Variants in FAM120B observed in about 807,000 individuals in gnomAD.
FAM120B encodes the protein constitutive coactivator of peroxisome proliferator-activated receptor gamma.
FAM120B carries 83 observed loss-of-function variants against 96.3 expected under a neutral mutation model. That is an observed-to-expected ratio of 0.86 (90% CI 0.72 to 1.03). The LOEUF (loss-of-function observed/expected upper bound fraction) is 1.03. FAM120B is among the 50% of genes least tolerant of loss of function. The probability of loss-of-function intolerance (pLI) is 0.00; values close to 1 mark genes in which losing one functional copy is unlikely to be tolerated. For missense variants in FAM120B, 1,027 were observed against 1,121.2 expected (o/e 0.92, Z 1.20); for synonymous variants, 407 against 402.7 (o/e 1.01, Z -0.13).
chr6:170,327,268 G>T (rs531940662), intron 3 of FAM120B, among the ~76,000 whole-genome samples: 2 of 151,864 alleles, frequency 1.3e-5, no homozygotes, highest in Admixed American at 6.6e-5. Flanking sequence ...GGATGATCTC[G>T]ATCTCCTGAC....
upstream of FAM120B, among the ~76,000 whole-genome samples, chr6:170,293,150 G>A (rs989787826): frequency 6.6e-6 from 1 of 152,024 alleles, no homozygotes; most frequent in African/African-American, 2.4e-5. Context: ...CTTCCCTAAG[G>A]CACAGGAGCT....
intron 1 of FAM120B, chr6:170,298,501 T>A (rs1270539926): frequency 6.6e-6 from 1 of 151,314 alleles, no homozygotes; most frequent in Non-Finnish European, 1.5e-5. Context: ...AGATTTGTTT[T>A]CAAGATGCAA....
At chr6:170,334,546 T>A (rs967146827) in intron 4 of FAM120B, among the ~76,000 whole-genome samples, 1 of 73,110 alleles carries the variant, frequency 1.4e-5, no homozygotes, top group Non-Finnish European at 3.0e-5. Context: ...AAAAGGAAGC[T>A]GGTGTGTGTG....
At chr6:170,377,715 C>T (rs1292206771) in intron 6 of FAM120B, among the ~76,000 whole-genome samples, 2 of 143,292 alleles carry the variant, frequency 1.4e-5, no homozygotes, top group Non-Finnish European at 3.1e-5. Context: ...TGTGCACACG[C>T]GTCCCTAATC....
intron 3 of FAM120B, among the ~76,000 whole-genome samples, chr6:170,327,534 C>T (rs1345567540): frequency 3.3e-5 from 5 of 152,020 alleles, no homozygotes; most frequent in Admixed American, 2.6e-4. Flanking sequence ...ACACTGCACA[C>T]GGAGGCTGCT....
intron 9 of FAM120B, among the ~76,000 whole-genome samples, chr6:170,398,188 C>A (rs1371944291): frequency 6.6e-6 from 1 of 152,250 alleles, no homozygotes; most frequent in Non-Finnish European, 1.5e-5. Flanking sequence ...CGCACTGAAA[C>A]CTTTCCATCA....
At chr6:170,316,791 C>G (rs761806454) in intron 1 of FAM120B, among the ~76,000 whole-genome samples, 6 of 152,186 alleles carry the variant, frequency 3.9e-5, no homozygotes, top group Non-Finnish European at 8.8e-5. Flanking sequence ...TCTGTCACCC[C>G]CAAAAGTTTC....
At chr6:170,344,351 A>G (rs903153804) in intron 4 of FAM120B, among the ~76,000 whole-genome samples, 4 of 119,758 alleles carry the variant, frequency 3.3e-5, no homozygotes, top group Admixed American at 8.3e-5. Context: ...AACGGATGAA[A>G]TCGTTCAGTC....
chr6:170,324,298 G>A (rs1785464604), intron 3 of FAM120B, among the ~76,000 whole-genome samples: 1 of 152,184 alleles, frequency 6.6e-6, no homozygotes, highest in African/African-American at 2.4e-5. Flanking sequence ...CACCCAGCAT[G>A]CACTGCTTTC....
chr6:170,315,858 G>C (rs536722812), intron 1 of FAM120B, among the ~76,000 whole-genome samples: 5 of 151,502 alleles, frequency 3.3e-5, no homozygotes, highest in African/African-American at 1.2e-4. Flanking sequence ...GAGGCGAGAG[G>C]ATCGCTTGAG....
At chr6:170,299,611 G>C (rs1213332397) in intron 1 of FAM120B, among the ~76,000 whole-genome samples, 1 of 152,136 alleles carries the variant, frequency 6.6e-6, no homozygotes, top group Non-Finnish European at 1.5e-5. Flanking sequence ...TAGTAATTTT[G>C]TATTTTTGTC....
upstream of FAM120B, among the ~76,000 whole-genome samples, chr6:170,306,296 A>T (rs1784279007): frequency 6.6e-6 from 1 of 151,976 alleles, no homozygotes; most frequent in Admixed American, 6.5e-5. Flanking sequence ...CCTGTGCAGG[A>T]GCCCCCCGCT....
chr6:170,356,442 A>G (rs568323846), intron 5 of FAM120B, among the ~76,000 whole-genome samples: 2 of 152,354 alleles, frequency 1.3e-5, no homozygotes, highest in South Asian at 4.1e-4. Flanking sequence ...ACAGTTTTAT[A>G]TATTAAGCCT....
At chr6:170,388,193 C>T in intron 6 of FAM120B, 94 bp from the exon 7 acceptor site, 2 of 1,030,426 alleles carry the variant, frequency 1.9e-6, no homozygotes, top group African/African-American at 1.6e-5. Context: ...AGTGAGCATC[C>T]GTTCTGAGCA....
In FAM120B at chr6:170,405,995, C is replaced by A. The variant is rs760014247; in HGVS notation, c.*1244C>A. ...ACGTTTGTTCCTCTTTATCTCTGAGCATTGAAGGACTTTTGGTTAAAAAAA... is the reference window on the plus strand; with the variant it reads ...ACGTTTGTTCCTCTTTATCTCTGAGAATTGAAGGACTTTTGGTTAAAAAAA... On this transcript the variant is annotated 3_prime_UTR_variant, in exon 11 of 11. Transcript: ENST00000476287. 1 of 149,372 alleles carries A rather than the reference C, an allele frequency of 6.7e-6. No individual in the cohort carries two copies. Among genetic ancestry groups the A allele is most frequent in the Non-Finnish European group, 1.5e-5 (1 of 66,886 alleles). 9.3% of individuals were successfully genotyped at this position (149,372 alleles called of 1,614,324 possible).
intron 6 of FAM120B, among the ~76,000 whole-genome samples, chr6:170,377,751 C>T (rs1350358643): frequency 1.5e-5 from 2 of 134,434 alleles, no homozygotes. Flanking sequence ...AACACAGGCT[C>T]ACGCTGCTCT....
At chr6:170,367,315 A>G (rs191930009) in intron 6 of FAM120B, among the ~76,000 whole-genome samples, 285 of 152,352 alleles carry the variant, frequency 1.9e-3, no homozygotes, top group Non-Finnish European at 2.4e-3. Context: ...GTGAGCTAAG[A>G]ATGGTGTTTG....
intron 6 of FAM120B, among the ~76,000 whole-genome samples, chr6:170,358,900 A>T (rs1057463187): frequency 5.9e-5 from 9 of 152,190 alleles, no homozygotes; most frequent in Admixed American, 3.9e-4. Flanking sequence ...GTGGCTGCAC[A>T]CTTGTGGACC....
rs375897281 is a variant in FAM120B at position 170,332,611 on chromosome 6, T to C, written c.2017+2061T>C. On this transcript the variant is annotated intron_variant, in intron 4 of 10. Coordinates refer to ENST00000476287, the MANE Select transcript of FAM120B (RefSeq NM_032448.3). ...TACTCAGGAGGCTGAGGCAGGAGAA[T>C]TGCTGGAACCCTGGAGGCGGAGGTT... is the stretch of plus-strand genomic sequence containing the variant. 1.2e-4 allele frequency among the ~76,000 whole-genome samples: 18 copies of C among 152,190 alleles called. No individual in the cohort carries two copies. The East Asian group carries it at 1.5e-3, about 13-fold the overall frequency.
Sources: allele counts gnomAD v4.1 joint callset (sites outside exome capture counted in the v4.1 genomes callset), GRCh38; gene constraint gnomAD v4.1.1; transcripts MANE v1.5; gene names NCBI Gene and HGNC (gene_info 2026-07-23, HGNC 2026-07-21).